ABCA4: variants seen among roughly 807,000 people sequenced by gnomAD.
ABCA4 encodes ATP binding cassette subfamily A member 4, also known as retinal-specific phospholipid-transporting ATPase ABCA4.
ABCA4 carries 196 observed loss-of-function variants against 263.7 expected under a neutral mutation model. That is an observed-to-expected ratio of 0.74 (90% CI 0.66 to 0.84). ABCA4 has a LOEUF of 0.84. Among genes scored for constraint, ABCA4 ranks in the 40% least tolerant of loss-of-function variants. The pLI, the probability that ABCA4 is intolerant of heterozygous loss-of-function variation, is 0.00. For synonymous variants in ABCA4, 1,133 were observed against 1,094.2 expected, an observed-to-expected ratio of 1.04 and a Z score of -0.70; for missense variants, 2,792 against 2,855.1, an observed-to-expected ratio of 0.98 and a Z score of 0.50.
chr1:94,001,145 C>T (rs1175226929), intron 45 of ABCA4, 40 bp from the exon 46 acceptor site: 2 of 1,529,306 alleles, frequency 1.3e-6, no homozygotes, highest in Non-Finnish European at 9.0e-7. Context: ...AGGCTGGGAG[C>T]TGGCCCTTCT....
chr1:94,078,323 A>G (rs1661592681), intron 10 of ABCA4, among the ~76,000 whole-genome samples: 1 of 152,120 alleles, frequency 6.6e-6, no homozygotes, highest in Non-Finnish European at 1.5e-5. Context: ...CCTTGAGTGA[A>G]TTCATAAAAG....
chr1:94,089,138 T>A (rs1302890192), intron 6 of ABCA4, among the ~76,000 whole-genome samples: 2 of 152,240 alleles, frequency 1.3e-5, no homozygotes, highest in African/African-American at 4.8e-5. Flanking sequence ...TATTCAGATC[T>A]CTGTCTATCT....
chr1:94,054,334 T>A (rs1660914110), intron 16 of ABCA4, among the ~76,000 whole-genome samples: 1 of 152,138 alleles, frequency 6.6e-6, no homozygotes, highest in African/African-American at 2.4e-5. Context: ...ATAAGATACA[T>A]CATTGTATCA....
At chr1:94,013,912 C>T (rs12049183) in intron 38 of ABCA4, among the ~76,000 whole-genome samples, 10,195 of 152,166 alleles carry the variant, frequency 0.067, 356 homozygotes, top group East Asian at 0.15. Context: ...AAGAGTTTGC[C>T]TCTGGAGAAG....
intron 44 of ABCA4, among the ~76,000 whole-genome samples, chr1:94,005,041 A>G (rs1659333794): frequency 6.6e-6 from 1 of 152,204 alleles, no homozygotes; most frequent in South Asian, 2.1e-4. Context: ...TGTCTGTACC[A>G]TAAATTATTC....
intron 41 of ABCA4, 69 bp from the exon 42 acceptor site, chr1:94,008,366 AAG>A: frequency 1.3e-6 from 2 of 1,494,258 alleles, no homozygotes; most frequent in Non-Finnish European, 1.9e-6. Flanking sequence ...AGAGGGAACA[AAG>A]AGCAAAGGAT....
intron 11 of ABCA4, among the ~76,000 whole-genome samples, chr1:94,064,619 T>G (rs1274719354): frequency 6.6e-6 from 1 of 152,052 alleles, no homozygotes; most frequent in Non-Finnish European, 1.5e-5. Context: ...AGCAATTAAA[T>G]CAGAATCTCT....
chr1:94,068,816 G>A (rs1225042729), intron 11 of ABCA4, among the ~76,000 whole-genome samples: 2 of 152,214 alleles, frequency 1.3e-5, no homozygotes, highest in African/African-American at 4.8e-5. Context: ...GGGCATCTTT[G>A]CTGAATAAAA....
rs767947718 is a variant in ABCA4 at position 94,083,420 on chromosome 1, G to A, written c.790C>T (p.Arg264Cys). 6 of 1,613,492 alleles carry A rather than the reference G, an allele frequency of 3.7e-6. No individual in the cohort carries two copies. The highest frequency in any genetic ancestry group is 1.7e-5 in the Admixed American group (1 of 60,012). ...FRVLPTLLDS[R>C]SQGINLRSWG... is the part of the protein sequence containing the mutation. ...GATCTCAGATTGATACCTTGAGAACGGCTGTCTAGGAGTGTGGGAAGCTGT... is the reference window on the plus strand; with the variant it reads ...GATCTCAGATTGATACCTTGAGAACAGCTGTCTAGGAGTGTGGGAAGCTGT... Residue 264 changes from arginine (R) to cysteine (C), a missense_variant, in exon 7 of 50, where the codon CGT (arginine) becomes TGT (cysteine). Transcript: ENST00000370225.
At chr1:94,027,038 T>C (rs1382810120) in intron 30 of ABCA4, among the ~76,000 whole-genome samples, 1 of 149,356 alleles carries the variant, frequency 6.7e-6, no homozygotes, top group Non-Finnish European at 1.5e-5. Context: ...AAGAGATAGA[T>C]AGAGACAGAG....
At chr1:94,080,439 A>G in intron 8 of ABCA4, 39 bp downstream of exon 8, 1 of 1,613,612 alleles carries the variant, frequency 6.2e-7, no homozygotes, top group Non-Finnish European at 8.5e-7. Flanking sequence ...CTTAACCAAC[A>G]TGAGAGGCCA....
chr1:94,119,861 T>C (rs11165077), intron 1 of ABCA4, among the ~76,000 whole-genome samples: 293 of 152,302 alleles, frequency 1.9e-3, no homozygotes, highest in African/African-American at 6.6e-3. Flanking sequence ...GAACTTATTC[T>C]GAACCGAGAT....
At chr1:94,000,118 T>G (rs973085510) in intron 47 of ABCA4, among the ~76,000 whole-genome samples, 1 of 152,244 alleles carries the variant, frequency 6.6e-6, no homozygotes, top group Non-Finnish European at 1.5e-5. Flanking sequence ...GTGCTGTTCC[T>G]CCCACCAACC....
rs1323985724 is a variant in ABCA4, at chr1:94,031,979, C to T, written c.3927G>A (p.Lys1309=). 1 of 1,614,020 alleles carries T rather than the reference C, an allele frequency of 6.2e-7. No individual in the cohort carries two copies. The highest frequency in any genetic ancestry group is 1.7e-5 in the Admixed American group (1 of 60,006). The change falls in exon 27 of 50, where the codon AAG becomes AAA. Residue 1309 remains lysine, a synonymous_variant. Coordinates refer to ENST00000370225, the MANE Select transcript of ABCA4 (RefSeq NM_000350.3). ...TGGAGTCCTGGGGTGTCTGTCCAGCCTTCTCTCTGGGACCCAAGCAGGGGT... is the reference window on the plus strand; with the variant it reads ...TGGAGTCCTGGGGTGTCTGTCCAGCTTTCTCTCTGGGACCCAAGCAGGGGT... ...PRHPCLGPRE[K]AGQTPQDSNV... is the part of the protein sequence containing the mutation.
At chr1:94,072,376 T>C (rs1400266539) in intron 11 of ABCA4, among the ~76,000 whole-genome samples, 4 of 152,230 alleles carry the variant, frequency 2.6e-5, no homozygotes, top group East Asian at 1.9e-4. Flanking sequence ...CAGCTTCCTA[T>C]ATCAGCTTCC....
intron 48 of ABCA4, 84 bp downstream of exon 48, chr1:93,997,777 C>G: frequency 6.4e-7 from 1 of 1,567,922 alleles, no homozygotes; most frequent in South Asian, 1.1e-5. Flanking sequence ...GAATGTTATG[C>G]CTCCCTCTTA....
intron 44 of ABCA4, among the ~76,000 whole-genome samples, chr1:94,002,675 CT>C (rs1166014761): frequency 1.3e-5 from 2 of 152,158 alleles, no homozygotes; most frequent in Non-Finnish European, 2.9e-5. Context: ...TGGAATGTTC[CT>C]CCCTAGGTGT....
chr1:94,091,546 A>T (rs1197393933), intron 6 of ABCA4, among the ~76,000 whole-genome samples: 1 of 151,532 alleles, frequency 6.6e-6, no homozygotes, highest in Non-Finnish European at 1.5e-5. Flanking sequence ...TTTCTGGAAA[A>T]AAAAGTCACA....
At chr1:94,104,014 T>C (rs1662354360) in intron 4 of ABCA4, among the ~76,000 whole-genome samples, 1 of 152,188 alleles carries the variant, frequency 6.6e-6, no homozygotes, top group South Asian at 2.1e-4. Context: ...CTCATAGGAT[T>C]GTTGATGCGG....
Sources: allele counts gnomAD v4.1 joint callset (sites outside exome capture counted in the v4.1 genomes callset), GRCh38; gene constraint gnomAD v4.1.1; transcripts MANE v1.5; gene names NCBI Gene and HGNC (gene_info 2026-07-23, HGNC 2026-07-21).